NCOR2: variants seen among roughly 807,000 people sequenced by gnomAD.
NCOR2 encodes the protein nuclear receptor corepressor 2, also known as CTG repeat protein 26.
A neutral mutation model predicts 262.9 loss-of-function variants in NCOR2; 81 were observed. The ratio of observed to expected loss-of-function variants is 0.31; its 90% CI spans 0.26 to 0.37. The LOEUF (loss-of-function observed/expected upper bound fraction) is 0.37. NCOR2 is among the 10% of genes least tolerant of loss of function. The pLI, the probability that NCOR2 is intolerant of heterozygous loss-of-function variation, is 1.00. For missense variants in NCOR2, 3,385 were observed against 3,621.4 expected (o/e 0.93, Z 1.68); for synonymous variants, 1,659 against 1,559.3 (o/e 1.06, Z -1.51).
At chr12:124,387,794 G>A (rs886959443) in intron 16 of NCOR2, among the ~76,000 whole-genome samples, 2 of 152,186 alleles carry the variant, frequency 1.3e-5, no homozygotes, top group Non-Finnish European at 2.9e-5. Flanking sequence ...CCCAGCCGGG[G>A]CCAAGAGAGC....
rs114944634 is a variant in NCOR2, at chr12:124,345,244, G to A, written c.4360-293C>T. Among the ~76,000 whole-genome samples, 393 of 152,258 alleles carry A rather than the reference G, an allele frequency of 2.6e-3. 1 individual carries two copies. The highest frequency in any genetic ancestry group is 8.8e-3 in the African/African-American group (366 of 41,542). ...TGCCGCGAGTGGTGGGCTCTCTGAT[G>A]GTCCCTGGAGTTTGCGAGAAAGAAG... On this transcript the variant is annotated intron_variant, in intron 31 of 46. Coordinates refer to ENST00000405201, the Ensembl canonical transcript of NCOR2.
At chr12:124,524,309 C>G (rs1321423861) in intron 1 of NCOR2, among the ~76,000 whole-genome samples, 7 of 152,234 alleles carry the variant, frequency 4.6e-5, no homozygotes, top group Non-Finnish European at 1.0e-4. Context: ...TTGACCTGCA[C>G]TGACTCACTC....
chr12:124,343,119 T>G, exon 33 of NCOR2: 1 of 1,612,074 alleles, frequency 6.2e-7, no homozygotes. Context: ...TAGGGCGAGA[T>G]GGGGTGTGGG....
chr12:124,454,311 A>T lies in NCOR2; in HGVS notation c.762+2795T>A, dbSNP rs1049776560. Among the ~76,000 whole-genome samples, 1 of 152,148 alleles carries T rather than the reference A, an allele frequency of 6.6e-6. No individual in the cohort carries two copies. The highest frequency in any genetic ancestry group is 1.5e-5 in the Non-Finnish European group (1 of 68,024). ...TGGCACCAAGCCAGGGGCCTTCAAG[A>T]GTCCAAACACTAGATCTTAGCCTCC... On this transcript the variant is annotated intron_variant, in intron 6 of 46. Coordinates refer to ENST00000405201, the Ensembl canonical transcript of NCOR2. This position sits in a 1 kb window ranked among gnomAD's most constrained non-coding sequence, Gnocchi z 5.6.
chr12:124,420,600 C>CT (rs1257094770), intron 12 of NCOR2, among the ~76,000 whole-genome samples: 3 of 152,374 alleles, frequency 2.0e-5, no homozygotes, highest in African/African-American at 7.2e-5. Context: ...GGGTTTCCTT[C>CT]TTTTCTCTGC....
intron 4 of NCOR2, among the ~76,000 whole-genome samples, chr12:124,469,272 A>G (rs1593694542): frequency 6.6e-6 from 1 of 152,240 alleles, no homozygotes; most frequent in Non-Finnish European, 1.5e-5. Flanking sequence ...GAACCCAGAA[A>G]GGTGCCCAAG....
At chr12:124,416,828 ACAGGGAGACCCCGTGGCC>A (rs199609813) in intron 13 of NCOR2, among the ~76,000 whole-genome samples, 11,752 of 148,890 alleles carry the variant, frequency 0.079, 504 homozygotes, top group Admixed American at 0.14. Flanking sequence ...ACCCCGCGGC[ACAGGGAGACCCCGTGGCC>A]CAGGGAGACC....
At position 124,517,983 on chromosome 12, in the gene NCOR2, C is replaced by T. The variant is rs1462742798; in HGVS notation, c.-118+17582G>A. Among the ~76,000 whole-genome samples, 3 of 152,090 alleles carry T rather than the reference C, an allele frequency of 2.0e-5. No homozygotes were observed. Among genetic ancestry groups the T allele is most frequent in the African/African-American group, 7.2e-5 (3 of 41,418 alleles). ...ACCACCTCCAGCGACAGAACTGGGG[C>T]TCTTTCCAGATGAATTCCTCGGCCC... On this transcript the variant is annotated intron_variant, in intron 1 of 46. Coordinates refer to the NCOR2 transcript ENST00000404621. This position sits in a 1 kb window ranked among gnomAD's most constrained non-coding sequence, Gnocchi z 7.6.
At chr12:124,449,538 C>T (rs1260308098) in intron 7 of NCOR2, among the ~76,000 whole-genome samples, 2 of 152,232 alleles carry the variant, frequency 1.3e-5, no homozygotes, top group Non-Finnish European at 2.9e-5. Context: ...CTCTGACCTC[C>T]GTCTCTCCAG....
intron 13 of NCOR2, among the ~76,000 whole-genome samples, chr12:124,409,508 C>A (rs1218794598): frequency 6.6e-6 from 1 of 152,228 alleles, no homozygotes; most frequent in African/African-American, 2.4e-5. Context: ...GGCCTCCTGA[C>A]CCTGGCTTAC....
At chr12:124,330,151 A>T (rs939042409) in intron 44 of NCOR2, among the ~76,000 whole-genome samples, 3 of 152,226 alleles carry the variant, frequency 2.0e-5, no homozygotes, top group Non-Finnish European at 2.9e-5. Flanking sequence ...GAGGATAACC[A>T]GGCACCCACA....
intron 44 of NCOR2, 145 bp downstream of exon 46, chr12:124,330,700 C>A (rs2035108748): frequency 4.7e-6 from 4 of 846,208 alleles, no homozygotes; most frequent in Middle Eastern, 6.4e-4. Flanking sequence ...GACTCTGAAT[C>A]CTACTGTGCG....
intron 9 of NCOR2, among the ~76,000 whole-genome samples, 170 bp downstream of exon 11, chr12:124,430,445 G>C (rs143183016): frequency 1.7e-4 from 26 of 152,344 alleles, no homozygotes; most frequent in Middle Eastern, 3.4e-3. Context: ...GTAAGTATTA[G>C]GCCAAAGAGG....
intron 17 of NCOR2, among the ~76,000 whole-genome samples, 161 bp downstream of exon 19, chr12:124,385,584 G>C (rs1461365975): frequency 6.6e-6 from 1 of 152,110 alleles, no homozygotes; most frequent in East Asian, 1.9e-4. Flanking sequence ...GCCATCTCGG[G>C]GTACTCCCGG....
intron 1 of NCOR2, among the ~76,000 whole-genome samples, chr12:124,519,086 T>C (rs2050014567): frequency 1.3e-4 from 2 of 15,108 alleles, no homozygotes; most frequent in African/African-American, 2.0e-4. Flanking sequence ...CGTGGCCAAA[T>C]AATACACACA....
chr12:124,395,818 G>T (rs2041619646), intron 16 of NCOR2, among the ~76,000 whole-genome samples: 1 of 152,196 alleles, frequency 6.6e-6, no homozygotes, highest in African/African-American at 2.4e-5. Flanking sequence ...CCTCCGATGG[G>T]TGGGTGCTCT....
At chr12:124,438,533 G>A (rs2044511154) in intron 7 of NCOR2, among the ~76,000 whole-genome samples, 1 of 150,222 alleles carries the variant, frequency 6.7e-6, no homozygotes, top group African/African-American at 2.5e-5. Flanking sequence ...GGGGCCACCA[G>A]GCATGGACTT....
In NCOR2 at chr12:124,517,335, C is replaced by G. The variant is rs1049735636; in HGVS notation, c.-118+18230G>C. On this transcript the variant is annotated intron_variant, in intron 1 of 46. Transcript: ENST00000404621. The surrounding 1 kb of genome is among the most constrained non-coding windows in gnomAD (Gnocchi z 7.6). ...CTATGGCCGCGGCGCACCCAGACCT[C>G]AGGACAAATCACTCCCTCATCCCCC... Among the ~76,000 whole-genome samples, 6 of 152,182 alleles carry G rather than the reference C, an allele frequency of 3.9e-5. No individual in the cohort carries two copies. Among genetic ancestry groups the G allele is most frequent in the Admixed American group, 3.3e-4 (5 of 15,284 alleles).
intron 28 of NCOR2, among the ~76,000 whole-genome samples, chr12:124,349,548 G>A (rs983666598): frequency 5.9e-5 from 9 of 152,150 alleles, no homozygotes; most frequent in African/African-American, 1.2e-4. Flanking sequence ...AGTGGACGGC[G>A]TGAGCAGGCA....
Sources: allele counts gnomAD v4.1 joint callset (sites outside exome capture counted in the v4.1 genomes callset), GRCh38; gene constraint gnomAD v4.1.1; non-coding constraint Gnocchi (gnomAD v3.1); transcripts MANE v1.5; gene names NCBI Gene and HGNC (gene_info 2026-07-23, HGNC 2026-07-21).